The following PAFAH2 variants were observed in gnomAD, a reference collection of about 807,000 sequenced individuals.
The protein encoded by PAFAH2 is platelet-activating factor acetylhydrolase 2, cytoplasmic.
A neutral mutation model predicts 49.0 loss-of-function variants in PAFAH2; 42 were observed. The observed-to-expected ratio is 0.86, with a 90% confidence interval of 0.67 to 1.11. PAFAH2 has a LOEUF of 1.11. Among genes scored for constraint, PAFAH2 ranks in the 50% least tolerant of loss-of-function variants. The probability of loss-of-function intolerance (pLI) is 0.00; values close to 1 mark genes in which losing one functional copy is unlikely to be tolerated. For missense variants in PAFAH2, 503 were observed against 501.8 expected, an observed-to-expected ratio of 1.00 and a Z score of -0.02; for synonymous variants, 184 against 181.3, an observed-to-expected ratio of 1.01 and a Z score of -0.12.
At chr1:25,970,384 C>T (rs776584891) in intron 10 of PAFAH2, among the ~76,000 whole-genome samples, 3 of 152,046 alleles carry the variant, frequency 2.0e-5, no homozygotes, top group Non-Finnish European at 4.4e-5. Flanking sequence ...GGAGAACTGC[C>T]GGAGAATCGC....
At chr1:25,985,151 C>T (rs1196363802) in intron 4 of PAFAH2, among the ~76,000 whole-genome samples, 2 of 152,160 alleles carry the variant, frequency 1.3e-5, no homozygotes, top group Non-Finnish European at 2.9e-5. Context: ...GCCACCGCAC[C>T]CAGCCAGCCA....
intron 1 of PAFAH2, among the ~76,000 whole-genome samples, chr1:25,996,163 C>T (rs1437965008): frequency 6.6e-6 from 1 of 151,768 alleles, no homozygotes; most frequent in Non-Finnish European, 1.5e-5. Context: ...CAAGACCAGC[C>T]TGGGCAACAT....
intron 3 of PAFAH2, 51 bp from the exon 4 acceptor site, chr1:25,988,378 C>T: frequency 4.4e-6 from 6 of 1,364,510 alleles, no homozygotes; most frequent in African/African-American, 1.4e-5. Context: ...AGCTGTTATC[C>T]CAAGGGCAGC....
At chr1:25,980,935 T>C (rs1328341152) in intron 7 of PAFAH2, among the ~76,000 whole-genome samples, 1 of 151,586 alleles carries the variant, frequency 6.6e-6, no homozygotes, top group Non-Finnish European at 1.5e-5. Context: ...CTACAGTGAG[T>C]GGTGATCACA....
intron 10 of PAFAH2, among the ~76,000 whole-genome samples, chr1:25,965,712 G>C (rs2049409234): frequency 6.7e-6 from 1 of 149,630 alleles, no homozygotes; most frequent in East Asian, 2.0e-4. Flanking sequence ...CAGCTACTCA[G>C]GAGGCTGAGG....
At chr1:25,984,321 C>T in intron 5 of PAFAH2, 139 bp downstream of exon 5, 1 of 776,564 alleles carries the variant, frequency 1.3e-6, no homozygotes. Flanking sequence ...ATCTTTAAAC[C>T]TTGGTTTTCT....
intron 7 of PAFAH2, among the ~76,000 whole-genome samples, chr1:25,979,687 A>C (rs1022908793): frequency 6.6e-6 from 1 of 151,892 alleles, no homozygotes; most frequent in Non-Finnish European, 1.5e-5. Context: ...ACGGGATTTC[A>C]CCATGCTGGC....
chr1:25,979,951 C>T (rs912705412), intron 7 of PAFAH2, among the ~76,000 whole-genome samples: 1 of 152,182 alleles, frequency 6.6e-6, no homozygotes, highest in South Asian at 2.1e-4. Context: ...CAGGCCTGGA[C>T]CTCAGTGCCC....
Position 25,988,216 on chromosome 1 carries a change from G to C in PAFAH2, c.341+15C>G. On this transcript the variant is annotated intron_variant, in intron 4 of 10. Coordinates refer to ENST00000374282, the MANE Select transcript of PAFAH2 (RefSeq NM_000437.4). ...GCAAGGAGTATGGCAAGGTCTGGGG[G>C]AAAGAAGCTCTTACCTGAAGGCTCC... 6.4e-7 allele frequency: 1 copy of C among 1,552,508 alleles called. No individual in the cohort carries two copies. The highest frequency in any genetic ancestry group is 1.8e-5 in the Admixed American group (1 of 54,552).
chr1:25,970,969 G>A (rs1355214064), intron 10 of PAFAH2, among the ~76,000 whole-genome samples: 1 of 152,190 alleles, frequency 6.6e-6, no homozygotes, highest in Non-Finnish European at 1.5e-5. Flanking sequence ...ATGGGGAATT[G>A]AACCGGGACA....
chr1:25,973,705 C>G (rs545366934), intron 9 of PAFAH2, among the ~76,000 whole-genome samples: 2 of 152,168 alleles, frequency 1.3e-5, no homozygotes, highest in South Asian at 4.1e-4. Flanking sequence ...CCCCAGTGCT[C>G]GAGGGCTCTG....
chr1:25,984,066 G>A lies in PAFAH2; in HGVS notation c.432C>T (p.Thr144=), dbSNP rs751674591. Residue 144 remains threonine, a synonymous_variant, in exon 6 of 11, where the codon ACC becomes ACT. Coordinates refer to ENST00000374282, the MANE Select transcript of PAFAH2 (RefSeq NM_000437.4). The part of the protein sequence containing the change: ...PEHRDRSAAT[T]YFCKQAPEEN... ...CTTCTGGGGCCTGCTTGCAGAAATA[G>A]GTGGTTGCCGCTGACCGGTCCCTGA... 34 of 1,613,956 alleles carry A rather than the reference G, an allele frequency of 2.1e-5. No individual in the cohort carries two copies. The highest frequency in any genetic ancestry group is 6.8e-6 in the Non-Finnish European group (8 of 1,179,986).
At chr1:25,986,170 C>A (rs892949147) in intron 4 of PAFAH2, among the ~76,000 whole-genome samples, 17 of 152,158 alleles carry the variant, frequency 1.1e-4, no homozygotes, top group Admixed American at 9.2e-4. Flanking sequence ...CTTATGAAAG[C>A]ACATTCTGGA....
chr1:25,988,334 G>C lies in PAFAH2; in HGVS notation c.245-7C>G. 4 of 1,606,282 alleles carry C rather than the reference G, an allele frequency of 2.5e-6. No homozygotes were observed. The highest frequency in any genetic ancestry group is 2.6e-6 in the Non-Finnish European group (3 of 1,174,136). ...ACAGGCAGGCGACAAGATCCTAGCA[G>C]AGACATGGGCTATAGAATATCTGGC... is the stretch of plus-strand genomic sequence containing the variant. On this transcript the variant is annotated splice_polypyrimidine_tract_variant and splice_region_variant and intron_variant, in intron 3 of 10. Coordinates refer to ENST00000374282, the MANE Select transcript of PAFAH2 (RefSeq NM_000437.4).
chr1:25,968,990 C>T (rs1444244695), intron 10 of PAFAH2, among the ~76,000 whole-genome samples: 1 of 152,198 alleles, frequency 6.6e-6, no homozygotes, highest in Non-Finnish European at 1.5e-5. Context: ...CTCCACAATG[C>T]ACCAGACTGT....
chr1:25,992,257 C>T (rs2049886223), intron 1 of PAFAH2, among the ~76,000 whole-genome samples: 1 of 152,042 alleles, frequency 6.6e-6, no homozygotes, highest in African/African-American at 2.4e-5. Context: ...TGGGGTAGCA[C>T]TTATGCTGGG....
intron 10 of PAFAH2, among the ~76,000 whole-genome samples, chr1:25,965,899 A>G (rs1470242664): frequency 6.7e-6 from 1 of 150,064 alleles, no homozygotes; most frequent in African/African-American, 2.4e-5. Context: ...ACATAATCCC[A>G]TTAAAAAGTA....
intron 1 of PAFAH2, chr1:25,997,310 G>A (rs909477697): frequency 6.6e-6 from 1 of 152,254 alleles, no homozygotes; most frequent in African/African-American, 2.4e-5. Flanking sequence ...AGGTGGCAGA[G>A]CTAGAGAAGA....
At position 25,961,699 on chromosome 1, in the gene PAFAH2, C is replaced by T. The variant is rs2049340086; in HGVS notation, c.*290G>A. Reference sequence around the variant, plus strand: ...GTCTTCACATCCAGGCCTCACAGTGCTCAGCCCGGGGCCTGGGTCTCCCCC... The same window carrying T: ...GTCTTCACATCCAGGCCTCACAGTGTTCAGCCCGGGGCCTGGGTCTCCCCC... On this transcript the variant is annotated 3_prime_UTR_variant, in exon 11 of 11. Transcript: ENST00000374282. The T allele has an allele frequency of 7.1e-6, 2 of 281,820 alleles. No homozygotes were observed. The allele number at this position is 281,820 out of a possible 1,614,324, so 17.5% of individuals were successfully genotyped here.
Sources: gnomAD v4.1 joint callset for allele counts (sites outside exome capture counted in the v4.1 genomes callset) on GRCh38, gnomAD v4.1.1 for gene constraint, MANE v1.5 for transcripts, NCBI Gene and HGNC (gene_info 2026-07-23, HGNC 2026-07-21) for gene names.